Variants in ACOT7 observed in about 807,000 individuals in gnomAD.
The protein encoded by ACOT7 is acyl-CoA thioesterase 7.
A neutral mutation model predicts 40.2 loss-of-function variants in ACOT7; 12 were observed. The observed-to-expected ratio is 0.30, with a 90% confidence interval of 0.19 to 0.48. The LOEUF (loss-of-function observed/expected upper bound fraction) is 0.48. Among genes scored for constraint, ACOT7 ranks in the 20% least tolerant of loss-of-function variants. ACOT7 has a pLI of 0.99. For missense variants in ACOT7, 395 were observed against 530.8 expected (o/e 0.74, Z 2.51); for synonymous variants, 228 against 219.5 (o/e 1.04, Z -0.34).
chr1:6,270,194 C>T (rs190340361), intron 8 of ACOT7, among the ~76,000 whole-genome samples: 1 of 152,394 alleles, frequency 6.6e-6, no homozygotes, highest in East Asian at 1.9e-4. Context: ...ATGTCTCCAG[C>T]ACAAGGCCCC....
intron 1 of ACOT7, among the ~76,000 whole-genome samples, chr1:6,353,218 C>A (rs866715727): frequency 5.3e-5 from 8 of 151,906 alleles, no homozygotes; most frequent in African/African-American, 1.9e-4. Flanking sequence ...ACTAGGGAGG[C>A]TGAGGTAGGA....
intron 6 of ACOT7, among the ~76,000 whole-genome samples, chr1:6,310,394 C>G (rs1156837587): frequency 1.3e-5 from 2 of 152,128 alleles, no homozygotes; most frequent in Non-Finnish European, 1.5e-5. Flanking sequence ...AGGCCCATTC[C>G]CCAGCCACCC....
At chr1:6,268,700 T>G (rs555751953) in intron 8 of ACOT7, among the ~76,000 whole-genome samples, 2 of 152,254 alleles carry the variant, frequency 1.3e-5, no homozygotes, top group African/African-American at 4.8e-5. Context: ...GGCAGGGAGA[T>G]CTCCGCCCAA....
At chr1:6,347,478 A>G (rs1641462438) in intron 2 of ACOT7, among the ~76,000 whole-genome samples, 1 of 152,162 alleles carries the variant, frequency 6.6e-6, no homozygotes, top group Admixed American at 6.5e-5. Context: ...AAAAATAACA[A>G]CAGCAGCTGG....
chr1:6,364,332 G>A lies in ACOT7; in HGVS notation c.144-14466C>T, dbSNP rs1196972074. Among the ~76,000 whole-genome samples the A allele has an allele frequency of 5.9e-5, 9 of 151,896 alleles. No homozygotes were observed. In the East Asian group the frequency reaches 1.6e-3, roughly 26 times the overall value. ...CAAGGCAGGTGGATCACCTGAGGTC[G>A]GGCGTTCAAGACCAGCCTGACCAAC... is the stretch of plus-strand genomic sequence containing the variant. On this transcript the variant is annotated intron_variant, in intron 1 of 8. Transcript: ENST00000361521.
intron 1 of ACOT7, among the ~76,000 whole-genome samples, chr1:6,368,183 C>T (rs1642056006): frequency 6.6e-6 from 1 of 152,118 alleles, no homozygotes; most frequent in African/African-American, 2.4e-5. Context: ...GAAGGTGAGG[C>T]TTCACTGGGG....
At chr1:6,357,779 G>A (rs1432525092) in intron 1 of ACOT7, among the ~76,000 whole-genome samples, 1 of 152,126 alleles carries the variant, frequency 6.6e-6, no homozygotes, top group Non-Finnish European at 1.5e-5. Context: ...TGGGTGTGGG[G>A]CCTCAAAGTC....
Position 6,349,863 on chromosome 1 carries a change from G to A in ACOT7, c.147C>T (p.Ile49=), listed in dbSNP as rs1475768594. ...ETPSAIQICR[I]MRPDDANVAG... ...CCACGTTGGCATCATCTGGCCGCAT[G>A]ATCCTAGGGCAGAGGAGAAGCAGGA... is the stretch of plus-strand genomic sequence containing the variant. Residue 49 remains isoleucine, a synonymous_variant, in exon 2 of 9, where the codon ATC becomes ATT. Transcript: ENST00000361521. 3 of 1,613,902 alleles carry A rather than the reference G, an allele frequency of 1.9e-6. No individual in the cohort carries two copies. Among genetic ancestry groups the A allele is most frequent in the Admixed American group, 1.7e-5 (1 of 60,006 alleles).
chr1:6,315,901 G>A (rs1171538004), intron 6 of ACOT7, among the ~76,000 whole-genome samples: 1 of 151,900 alleles, frequency 6.6e-6, no homozygotes, highest in Non-Finnish European at 1.5e-5. Context: ...ACATGTGCCT[G>A]TATCAGTGAA....
At chr1:6,333,754 C>T (rs1296346039) in intron 3 of ACOT7, among the ~76,000 whole-genome samples, 186 bp from the exon 4 acceptor site, 1 of 138,872 alleles carries the variant, frequency 7.2e-6, no homozygotes, top group Non-Finnish European at 1.6e-5. Flanking sequence ...AGCATCCTGG[C>T]TGGGGAGTGC....
At chr1:6,265,569 C>T (rs939242589) in intron 8 of ACOT7, among the ~76,000 whole-genome samples, 1 of 152,042 alleles carries the variant, frequency 6.6e-6, no homozygotes, top group African/African-American at 2.4e-5. Context: ...GGTCCTGGTT[C>T]ATGCCTGTCG....
At chr1:6,312,085 T>C (rs1023083342) in intron 6 of ACOT7, among the ~76,000 whole-genome samples, 2 of 151,928 alleles carry the variant, frequency 1.3e-5, no homozygotes, top group African/African-American at 4.8e-5. Flanking sequence ...GAGGGCAGGA[T>C]GGAGAGGAAG....
At chr1:6,344,490 G>A (rs932050160) in intron 2 of ACOT7, among the ~76,000 whole-genome samples, 1 of 152,168 alleles carries the variant, frequency 6.6e-6, no homozygotes, top group Non-Finnish European at 1.5e-5. Flanking sequence ...GTAGGGCCGG[G>A]CGCAGTGGCT....
At chr1:6,388,908 G>A (rs1223961685) in intron 1 of ACOT7, among the ~76,000 whole-genome samples, 2 of 151,872 alleles carry the variant, frequency 1.3e-5, no homozygotes, top group African/African-American at 4.8e-5. Context: ...GGGTGTGGTG[G>A]CGGATGCCTG....
intron 7 of ACOT7, among the ~76,000 whole-genome samples, chr1:6,293,024 G>A (rs1459153918): frequency 6.6e-6 from 1 of 151,740 alleles, no homozygotes; most frequent in African/African-American, 2.4e-5. Context: ...CGAGTAGCTG[G>A]GACTACAGGC....
At position 6,358,850 on chromosome 1, in the gene ACOT7, G is replaced by C. The variant is rs1641822539; in HGVS notation, c.144-8984C>G. ...CCTGCTCAGCTGGAAAGCCATGGTG[G>C]CTAGGACATCCCAGGATCAGATGCA... On this transcript the variant is annotated intron_variant, in intron 1 of 8. Transcript: ENST00000361521. The surrounding 1 kb of genome is among the most constrained non-coding windows in gnomAD (Gnocchi z 4.1). The C allele has an allele frequency of 1.9e-6, 3 of 1,613,972 alleles. No individual in the cohort carries two copies. The highest frequency in any genetic ancestry group is 2.5e-6 in the Non-Finnish European group (3 of 1,179,890).
rs1372984859 is a variant in ACOT7, at chr1:6,288,958, C to T, written c.829+5906G>A. Among the ~76,000 whole-genome samples, 13 of 152,184 alleles carry T rather than the reference C, an allele frequency of 8.5e-5. No homozygotes were observed. The highest frequency in any genetic ancestry group is 2.0e-4 in the Admixed American group (3 of 15,284). Reference sequence around the variant, plus strand: ...ACAGGGCCTGGCACTTGGTCAATATCGCATAAAAGGTCACTCTCCCAAGGA... The same window carrying T: ...ACAGGGCCTGGCACTTGGTCAATATTGCATAAAAGGTCACTCTCCCAAGGA... On this transcript the variant is annotated intron_variant, in intron 7 of 8. Transcript: ENST00000361521. This position sits in a 1 kb window ranked among gnomAD's most constrained non-coding sequence, Gnocchi z 4.3.
chr1:6,349,646 A>G, intron 2 of ACOT7, 103 bp downstream of exon 2: 1 of 1,106,010 alleles, frequency 9.0e-7, no homozygotes, highest in Non-Finnish European at 1.3e-6. Context: ...CCCAGTGCAC[A>G]AGGGGAGGGA....
rs958316280 is a variant in ACOT7 at position 6,301,121 on chromosome 1, A to G, written c.713-6141T>C. Among the ~76,000 whole-genome samples the G allele has an allele frequency of 1.1e-4, 16 of 152,232 alleles. No homozygotes were observed. The highest frequency in any genetic ancestry group is 7.2e-4 in the Admixed American group (11 of 15,284). The stretch of plus-strand genomic sequence containing the variant: ...CCCAGAGTGTCCAGTGCTGGCCACC[A>G]GCTGGTGTCATCAACTCAGGGTGGT... On this transcript the variant is annotated intron_variant, in intron 6 of 8. Transcript: ENST00000361521. The surrounding 1 kb of genome is among the most constrained non-coding windows in gnomAD (Gnocchi z 4.1).
Sources: gnomAD v4.1 joint callset for allele counts (sites outside exome capture counted in the v4.1 genomes callset) on GRCh38, gnomAD v4.1.1 for gene constraint, Gnocchi (gnomAD v3.1) non-coding constraint, MANE v1.5 for transcripts, NCBI Gene and HGNC (gene_info 2026-07-23, HGNC 2026-07-21) for gene names.